The following TRAK1 variants were observed in gnomAD, a reference collection of about 807,000 sequenced individuals.
The protein encoded by TRAK1 is trafficking kinesin-binding protein 1.
In TRAK1, 33 loss-of-function variants were observed where a neutral mutation model predicts 92.1. That is an observed-to-expected ratio of 0.36 (90% CI 0.27 to 0.48). The LOEUF is 0.48. Among genes scored for constraint, TRAK1 ranks in the 20% least tolerant of loss-of-function variants. The pLI, the probability that TRAK1 is intolerant of heterozygous loss-of-function variation, is 0.99. For missense variants in TRAK1, 1,123 were observed against 1,257.9 expected, an observed-to-expected ratio of 0.89 and a Z score of 1.62; for synonymous variants, 521 against 517.3, an observed-to-expected ratio of 1.01 and a Z score of -0.10.
intron 12 of TRAK1, 22 bp downstream of exon 12, chr3:42,201,076 A>G (rs766068016): frequency 6.8e-6 from 11 of 1,611,646 alleles, no homozygotes; most frequent in Middle Eastern, 1.6e-4. Flanking sequence ...GGGAGTTTTC[A>G]CTTCTCTGTT....
intron 13 of TRAK1, chr3:42,204,105 G>A (rs1274758821): frequency 1.0e-6 from 1 of 985,598 alleles, no homozygotes; most frequent in Non-Finnish European, 1.2e-6. Context: ...TTTTTTAATT[G>A]TTTATTTAGT....
chr3:42,031,326 C>T (rs546100752), intron 1 of TRAK1, among the ~76,000 whole-genome samples: 15 of 151,728 alleles, frequency 9.9e-5, no homozygotes, highest in Middle Eastern at 6.8e-3. Flanking sequence ...CGTGAGCCAC[C>T]GTGCCTGGCC....
At chr3:42,040,358 C>G (rs1049108173) in intron 1 of TRAK1, among the ~76,000 whole-genome samples, 1 of 152,030 alleles carries the variant, frequency 6.6e-6, no homozygotes, top group Admixed American at 6.6e-5. Context: ...GGCATTTTGC[C>G]CAGAGTTGGT....
chr3:42,164,263 G>T (rs958422846), intron 2 of TRAK1, among the ~76,000 whole-genome samples: 8 of 152,184 alleles, frequency 5.3e-5, no homozygotes, highest in African/African-American at 1.9e-4. Context: ...TTGTCAACTT[G>T]CCTAAAAGAG....
At chr3:42,196,366 C>T (rs1300273493) in intron 10 of TRAK1, among the ~76,000 whole-genome samples, 1 of 152,114 alleles carries the variant, frequency 6.6e-6, no homozygotes, top group East Asian at 1.9e-4. Flanking sequence ...AGGAGTTCAT[C>T]TGGGATCCAC....
At position 42,208,364 on chromosome 3, in the gene TRAK1, A is replaced by G. The variant is rs141321698; in HGVS notation, c.1745-1403A>G. On this transcript the variant is annotated intron_variant, in intron 13 of 15. Transcript: ENST00000327628. ...AATTGTTCATTTATAAATCCCTTTCAAGCCTCCCTGGCTGAGATCGACACA... is the reference window on the plus strand; with the variant it reads ...AATTGTTCATTTATAAATCCCTTTCGAGCCTCCCTGGCTGAGATCGACACA... Among the ~76,000 whole-genome samples, 556 of 152,086 alleles carry G rather than the reference A, an allele frequency of 3.7e-3. 2 individuals are homozygous for G. The highest frequency in any genetic ancestry group is 0.013 in the African/African-American group (520 of 41,462).
intron 1 of TRAK1, among the ~76,000 whole-genome samples, chr3:42,040,658 A>G (rs1702500017): frequency 2.0e-5 from 3 of 150,066 alleles, no homozygotes; most frequent in Non-Finnish European, 3.0e-5. Context: ...ACTGATCTGT[A>G]TATCCTATGC....
intron 10 of TRAK1, among the ~76,000 whole-genome samples, chr3:42,197,587 A>C (rs924462740): frequency 6.6e-6 from 1 of 152,218 alleles, no homozygotes; most frequent in Non-Finnish European, 1.5e-5. Context: ...TCTATTTGTA[A>C]ATTATGTGGT....
At chr3:42,142,669 C>T (rs1698823251) in intron 2 of TRAK1, among the ~76,000 whole-genome samples, 1 of 152,222 alleles carries the variant, frequency 6.6e-6, no homozygotes, top group South Asian at 2.1e-4. Flanking sequence ...CATACACATC[C>T]ACCTCTGCTG....
chr3:42,186,086 G>A (rs1016778278), intron 4 of TRAK1, among the ~76,000 whole-genome samples: 1 of 144,130 alleles, frequency 6.9e-6, no homozygotes, highest in African/African-American at 2.6e-5. Flanking sequence ...GGATTCAAGC[G>A]ATCCTCCCAC....
chr3:42,134,732 G>A (rs776130735), intron 2 of TRAK1, among the ~76,000 whole-genome samples: 3 of 151,494 alleles, frequency 2.0e-5, no homozygotes, highest in Non-Finnish European at 4.4e-5. Flanking sequence ...GACTACAGGC[G>A]CACGCCCGGC....
chr3:42,165,934 G>A (rs1333985731), intron 2 of TRAK1, among the ~76,000 whole-genome samples: 7 of 152,028 alleles, frequency 4.6e-5, no homozygotes, highest in African/African-American at 9.7e-5. Flanking sequence ...GCCTACTCAC[G>A]TTCTCTGTAT....
intron 1 of TRAK1, among the ~76,000 whole-genome samples, chr3:42,043,749 T>C (rs1313520367): frequency 6.6e-6 from 1 of 151,924 alleles, no homozygotes; most frequent in Non-Finnish European, 1.5e-5. Flanking sequence ...CAGTGGCCTG[T>C]TAGGATGACA....
At chr3:42,216,906 A>G (rs933578584) in intron 14 of TRAK1, among the ~76,000 whole-genome samples, 1 of 152,014 alleles carries the variant, frequency 6.6e-6, no homozygotes, top group African/African-American at 2.4e-5. Flanking sequence ...AATCCAAGAA[A>G]CTCTATCCTT....
chr3:42,089,382 A>T (rs549238658), upstream of TRAK1, among the ~76,000 whole-genome samples: 1 of 152,024 alleles, frequency 6.6e-6, no homozygotes. Flanking sequence ...TCTCCGCTCA[A>T]CCATGAGAGT....
At chr3:42,214,714 G>A (rs1247319700) in intron 14 of TRAK1, among the ~76,000 whole-genome samples, 1 of 152,208 alleles carries the variant, frequency 6.6e-6, no homozygotes, top group African/African-American at 2.4e-5. Flanking sequence ...ATCTTGTGAT[G>A]TGTGGTTCGA....
At chr3:42,192,143 C>A (rs1705852161) in intron 7 of TRAK1, among the ~76,000 whole-genome samples, 2 of 152,050 alleles carry the variant, frequency 1.3e-5, no homozygotes, top group African/African-American at 4.8e-5. Context: ...CTCAGGTGAT[C>A]CACCTGCCTT....
In TRAK1 at chr3:42,148,017, C is replaced by T. The variant is rs374315950; in HGVS notation, c.286+22403C>T. On this transcript the variant is annotated intron_variant, in intron 2 of 15. Coordinates refer to ENST00000327628, the MANE Select transcript of TRAK1 (RefSeq NM_001042646.3). ...ACACACAGAAGCAGACATACACATA[C>T]ATAGAAACACACACACACACACACA... Among the ~76,000 whole-genome samples, 515 of 127,036 alleles carry T rather than the reference C, an allele frequency of 4.1e-3. 5 individuals carry two copies. The highest frequency in any genetic ancestry group is 0.013 in the African/African-American group (492 of 36,640). The allele number at this position is 127,036 out of a possible 152,430, so 83.3% of individuals were successfully genotyped here.
chr3:42,061,155 G>T (rs1051981268), intron 1 of TRAK1, among the ~76,000 whole-genome samples: 1 of 152,148 alleles, frequency 6.6e-6, no homozygotes, highest in African/African-American at 2.4e-5. Flanking sequence ...TACAAAAAGT[G>T]TGCAGAGTTC....
Sources: allele counts gnomAD v4.1 joint callset (sites outside exome capture counted in the v4.1 genomes callset), GRCh38; gene constraint gnomAD v4.1.1; transcripts MANE v1.5; gene names NCBI Gene and HGNC (gene_info 2026-07-23, HGNC 2026-07-21).